GSE1: variants seen among roughly 807,000 people sequenced by gnomAD.
The protein encoded by GSE1 is Gse1 coiled-coil protein.
Under a neutral mutation model 112.6 loss-of-function variants are expected in GSE1, and 32 were observed. The ratio of observed to expected loss-of-function variants is 0.28; its 90% CI spans 0.21 to 0.38. The LOEUF is 0.38. GSE1 is among the 10% of genes least tolerant of loss of function. The pLI, the probability that GSE1 is intolerant of heterozygous loss-of-function variation, is 1.00. For synonymous variants in GSE1, 1,115 were observed against 735.6 expected (o/e 1.52, Z -8.35); for missense variants, 2,348 against 1,699.2 (o/e 1.38, Z -6.71).
At chr16:85,554,324 G>T, upstream of GSE1, among the ~76,000 whole-genome samples, 1 of 152,158 alleles carries the variant, frequency 6.6e-6, no homozygotes, top group East Asian at 1.9e-4. Flanking sequence ...GCGGCGTGGG[G>T]AGGAGAGATA....
intron 1 of GSE1, among the ~76,000 whole-genome samples, chr16:85,335,357 C>T (rs563022308): frequency 6.6e-6 from 1 of 152,374 alleles, no homozygotes; most frequent in South Asian, 2.1e-4. Context: ...GGCATTCTTT[C>T]CTCGGCAAGC....
intron 1 of GSE1, among the ~76,000 whole-genome samples, chr16:85,263,454 G>A (rs150204714): frequency 6.6e-6 from 1 of 152,252 alleles, no homozygotes; most frequent in Non-Finnish European, 1.5e-5. Context: ...CCCGGTGGCT[G>A]CAGTTTGAGA....
chr16:85,322,546 G>A (rs56127960), intron 1 of GSE1, among the ~76,000 whole-genome samples: 5,680 of 151,868 alleles, frequency 0.037, 137 homozygotes, highest in Middle Eastern at 0.051. Flanking sequence ...CCTCTCTGCC[G>A]TGCTCTAGGG....
At chr16:85,634,719 G>A (rs1351487481) in intron 2 of GSE1, among the ~76,000 whole-genome samples, 2 of 152,204 alleles carry the variant, frequency 1.3e-5, no homozygotes, top group African/African-American at 4.8e-5. Flanking sequence ...CCTGCTGTGT[G>A]AACCTGGGCA....
chr16:85,536,902 C>T (rs536450148), intron 2 of GSE1, among the ~76,000 whole-genome samples: 35 of 152,340 alleles, frequency 2.3e-4, no homozygotes, highest in Non-Finnish European at 3.8e-4. Context: ...GGAATGGAAC[C>T]GGCGAGGAAT....
At chr16:85,570,397 G>T (rs2045935556) in intron 1 of GSE1, among the ~76,000 whole-genome samples, 1 of 152,244 alleles carries the variant, frequency 6.6e-6, no homozygotes, top group African/African-American at 2.4e-5. Flanking sequence ...CAAGTGGCCT[G>T]CTGGCAGGCA....
chr16:85,337,749 C>T (rs2046534139), intron 1 of GSE1, among the ~76,000 whole-genome samples: 1 of 152,218 alleles, frequency 6.6e-6, no homozygotes, highest in Non-Finnish European at 1.5e-5. Context: ...GGGCCCAGGG[C>T]AGGAGTCCTG....
intron 1 of GSE1, among the ~76,000 whole-genome samples, chr16:85,567,759 G>C (rs2045821135): frequency 6.6e-6 from 1 of 152,230 alleles, no homozygotes; most frequent in African/African-American, 2.4e-5. Flanking sequence ...GTCTCGCTCT[G>C]TTGCTCGGGC....
chr16:85,422,137 G>T, intron 2 of GSE1, among the ~76,000 whole-genome samples: 1 of 152,078 alleles, frequency 6.6e-6, no homozygotes, highest in Admixed American at 6.5e-5. Flanking sequence ...GTGTGCCCGG[G>T]TCATCCTCGC....
chr16:85,403,632 T>TA (rs1038955364), intron 2 of GSE1, among the ~76,000 whole-genome samples: 2 of 151,340 alleles, frequency 1.3e-5, no homozygotes, highest in Admixed American at 6.6e-5. Context: ...TCTACAAAAA[T>TA]AAAAAAACAA....
chr16:85,296,590 G>C (rs1007359791), intron 1 of GSE1, among the ~76,000 whole-genome samples: 1 of 152,198 alleles, frequency 6.6e-6, no homozygotes, highest in Admixed American at 6.5e-5. Flanking sequence ...CGGAGTGACA[G>C]AGCAAGATTC....
intron 2 of GSE1, among the ~76,000 whole-genome samples, chr16:85,451,464 G>A (rs1368639680): frequency 2.3e-5 from 3 of 129,882 alleles, no homozygotes; most frequent in South Asian, 5.7e-4. Flanking sequence ...TGGTTGGTGC[G>A]TGCGCTGGTG....
intron 2 of GSE1, among the ~76,000 whole-genome samples, chr16:85,497,097 C>T (rs1033858830): frequency 6.6e-5 from 10 of 152,200 alleles, no homozygotes; most frequent in Non-Finnish European, 1.3e-4. Flanking sequence ...CAGGGTTTCG[C>T]CATGTTGGCC....
Position 85,377,726 on chromosome 16 carries a change from G to A in GSE1, c.2464+20083G>A, listed in dbSNP as rs182637048. On this transcript the variant is annotated intron_variant, in intron 2 of 2. Transcript: ENST00000637419. Reference sequence around the variant, plus strand: ...CCCTCTGTTGTTCCCGGGAGTGGCCGGCACCAGGCCTAGCCCAGGGTGAGC... The same window carrying A: ...CCCTCTGTTGTTCCCGGGAGTGGCCAGCACCAGGCCTAGCCCAGGGTGAGC... Among the ~76,000 whole-genome samples the A allele has an allele frequency of 8.9e-3, 1,349 of 152,322 alleles. 19 individuals are homozygous for A. Among genetic ancestry groups the A allele is most frequent in the African/African-American group, 0.031 (1,279 of 41,564 alleles).
intron 2 of GSE1, among the ~76,000 whole-genome samples, chr16:85,369,448 T>G (rs1266899596): frequency 6.6e-6 from 1 of 152,118 alleles, no homozygotes; most frequent in Non-Finnish European, 1.5e-5. Flanking sequence ...AATCCAGGCT[T>G]CAAGCAGTCC....
intron 2 of GSE1, among the ~76,000 whole-genome samples, chr16:85,523,014 G>A (rs749677165): frequency 3.3e-5 from 5 of 152,060 alleles, no homozygotes; most frequent in South Asian, 2.1e-4. Flanking sequence ...ATGTGGGCAC[G>A]TGTTGTGTGT....
intron 2 of GSE1, among the ~76,000 whole-genome samples, chr16:85,637,269 G>A (rs1003652283): frequency 3.9e-5 from 6 of 152,232 alleles, no homozygotes; most frequent in Admixed American, 2.6e-4. Flanking sequence ...GGCGCGGTGC[G>A]TGTCTGGACC....
rs2074362156 is a variant in GSE1, at chr16:85,171,783, C to G, written c.2259C>G (p.Ser753Arg). The G allele has an allele frequency of 4.1e-6, 4 of 985,516 alleles. No homozygotes were observed. In the Admixed American group the frequency reaches 1.8e-4, roughly 45 times the overall value. 61.0% of individuals were successfully genotyped at this position (985,516 alleles called of 1,614,324 possible). Residue 753 changes from serine to arginine, a missense_variant, in exon 1 of 3, where the codon AGC (serine) becomes AGG (arginine). Physicochemically the swap from Ser to Arg is moderately radical, Grantham distance 110. Transcript: ENST00000637419. ...CCCGCCAAGGACCCATGAGCTGGAG[C>G]TCCCCGGTGGCAGCAGCGACGAAGG...
At chr16:85,331,369 A>G (rs997463736) in intron 1 of GSE1, among the ~76,000 whole-genome samples, 9 of 101,562 alleles carry the variant, frequency 8.9e-5, no homozygotes, top group Non-Finnish European at 1.6e-4. Flanking sequence ...GTGTGTGTAT[A>G]TATGTATATA....
Sources: allele counts gnomAD v4.1 joint callset (sites outside exome capture counted in the v4.1 genomes callset), GRCh38; gene constraint gnomAD v4.1.1; transcripts MANE v1.5; gene names NCBI Gene and HGNC (gene_info 2026-07-23, HGNC 2026-07-21).